Variants in ATE1 observed in about 807,000 individuals in gnomAD.
ATE1 encodes arginyltransferase 1.
ATE1 carries 36 observed loss-of-function variants against 70.5 expected under a neutral mutation model. The observed-to-expected ratio is 0.51, with a 90% CI of 0.39 to 0.67. The LOEUF is 0.67. ATE1 is among the 30% of genes least tolerant of loss of function. The pLI, the probability that ATE1 is intolerant of heterozygous loss-of-function variation, is 0.00. For missense variants in ATE1, 593 were observed against 629.5 expected (o/e 0.94, Z 0.62); for synonymous variants, 232 against 219.3 (o/e 1.06, Z -0.51).
intron 11 of ATE1, among the ~76,000 whole-genome samples, chr10:121,746,956 CAGTT>C (rs988985771): frequency 2.0e-4 from 30 of 152,166 alleles, no homozygotes; most frequent in Admixed American, 2.0e-3. Context: ...TAGAGAATGT[CAGTT>C]AGGGCATTCC....
At chr10:121,766,301 G>A (rs1477184306) in intron 11 of ATE1, among the ~76,000 whole-genome samples, 2 of 152,078 alleles carry the variant, frequency 1.3e-5, no homozygotes, top group East Asian at 1.9e-4. Flanking sequence ...AAGGGTGATC[G>A]TTTATGCATT....
intron 10 of ATE1, among the ~76,000 whole-genome samples, chr10:121,794,696 T>C (rs1383659172): frequency 1.6e-5 from 2 of 123,876 alleles, no homozygotes; most frequent in Non-Finnish European, 3.4e-5. Context: ...ATATGTATCA[T>C]CTCAAAAAAC....
intron 10 of ATE1, among the ~76,000 whole-genome samples, chr10:121,835,089 G>A (rs965877315): frequency 3.3e-5 from 5 of 152,112 alleles, no homozygotes; most frequent in African/African-American, 9.7e-5. Flanking sequence ...TAGGCAAAAC[G>A]GAAATATGCT....
intron 11 of ATE1, among the ~76,000 whole-genome samples, chr10:121,775,429 C>T (rs1257879890): frequency 6.6e-6 from 1 of 151,846 alleles, no homozygotes; most frequent in Admixed American, 6.6e-5. Context: ...ACATGTATAA[C>T]TATGTAACCA....
intron 7 of ATE1, among the ~76,000 whole-genome samples, chr10:121,880,016 A>G (rs1485887775): frequency 6.6e-6 from 1 of 152,260 alleles, no homozygotes; most frequent in Non-Finnish European, 1.5e-5. Context: ...AACATAAATT[A>G]GGGATAAATA....
chr10:121,842,360 CTGAG>C (rs1948661966), intron 8 of ATE1, among the ~76,000 whole-genome samples: 1 of 152,122 alleles, frequency 6.6e-6, no homozygotes, highest in South Asian at 2.1e-4. Context: ...TTCCTGGAGA[CTGAG>C]TGAATGTTAG....
intron 7 of ATE1, among the ~76,000 whole-genome samples, chr10:121,897,682 C>T (rs771659704): frequency 2.7e-4 from 41 of 152,146 alleles, no homozygotes; most frequent in Middle Eastern, 3.4e-3. Flanking sequence ...AAAAATTAGA[C>T]GGCTGTGGTG....
intron 7 of ATE1, among the ~76,000 whole-genome samples, chr10:121,877,963 G>A (rs139093751): frequency 4.6e-5 from 7 of 152,264 alleles, no homozygotes; most frequent in Non-Finnish European, 7.4e-5. Flanking sequence ...TTCGTAACAG[G>A]CAAAAGCTGT....
chr10:121,796,991 T>C (rs1946683142), intron 10 of ATE1, among the ~76,000 whole-genome samples: 1 of 152,224 alleles, frequency 6.6e-6, no homozygotes, highest in African/African-American at 2.4e-5. Context: ...TGTAACAGAA[T>C]TCAGCCTAAA....
chr10:121,848,606 G>A (rs1381348935), intron 8 of ATE1, among the ~76,000 whole-genome samples: 1 of 89,010 alleles, frequency 1.1e-5, no homozygotes, highest in East Asian at 3.7e-4. Flanking sequence ...CAACAAGAGT[G>A]AAACTCAAAA....
chr10:121,928,404 G>A, upstream of ATE1: 1 of 1,529,946 alleles, frequency 6.5e-7, no homozygotes, highest in Non-Finnish European at 8.8e-7. Flanking sequence ...CCGGCCCTGA[G>A]GCCCTTGTAT....
Position 121,811,348 on chromosome 10 carries a change from T to C in ATE1, c.1258-21059A>G, listed in dbSNP as rs141344787. On this transcript the variant is annotated intron_variant, in intron 10 of 11. Coordinates refer to ENST00000224652, the MANE Select transcript of ATE1 (RefSeq NM_001001976.3). ...AGCAAATGGGGTAAAATACTACCAA[T>C]AGGTAAATCTGACAAAAGAGTACAC... Among the ~76,000 whole-genome samples, 23 of 152,262 alleles carry C rather than the reference T, an allele frequency of 1.5e-4. No homozygotes were observed. In the East Asian group the frequency reaches 4.4e-3, roughly 29 times the overall value.
At chr10:121,878,361 G>C (rs902727121) in intron 7 of ATE1, among the ~76,000 whole-genome samples, 1 of 152,244 alleles carries the variant, frequency 6.6e-6, no homozygotes, top group African/African-American at 2.4e-5. Context: ...GGGAGGCTGA[G>C]GCGGGTAGAC....
At chr10:121,850,370 G>A (rs982638498) in intron 8 of ATE1, among the ~76,000 whole-genome samples, 1 of 152,148 alleles carries the variant, frequency 6.6e-6, no homozygotes, top group African/African-American at 2.4e-5. Flanking sequence ...AAAGAGCTAT[G>A]TCTTACAACA....
At chr10:121,891,268 C>T (rs190454625) in intron 7 of ATE1, among the ~76,000 whole-genome samples, 4 of 152,034 alleles carry the variant, frequency 2.6e-5, no homozygotes, top group Admixed American at 6.6e-5. Flanking sequence ...ATATAGCCCT[C>T]GAAAAGACTG....
At chr10:121,745,446 G>A (rs1169034735) in intron 11 of ATE1, among the ~76,000 whole-genome samples, 5 of 152,228 alleles carry the variant, frequency 3.3e-5, no homozygotes, top group Non-Finnish European at 5.9e-5. Context: ...GCGGGGTGCA[G>A]TGGCTCACGC....
Position 121,900,009 on chromosome 10 carries a change from A to T in ATE1, c.814-15T>A, listed in dbSNP as rs1028593693. 5 of 1,610,682 alleles carry T rather than the reference A, an allele frequency of 3.1e-6. No homozygotes were observed. The highest frequency in any genetic ancestry group is 1.7e-4 in the Middle Eastern group (1 of 6,036). ...ACCACCCTCACCTTCAGAAGCAGTT[A>T]AAAAAACAAGTTTACTAATTCATTC... On this transcript the variant is annotated splice_polypyrimidine_tract_variant and intron_variant, in intron 6 of 11. Coordinates refer to ENST00000224652, the MANE Select transcript of ATE1 (RefSeq NM_001001976.3).
In ATE1 at chr10:121,743,594, A is replaced by G. The variant is rs1222834459; in HGVS notation, c.*86T>C. 2.1e-6 allele frequency: 3 copies of G among 1,417,854 alleles called. No homozygotes were observed. Among genetic ancestry groups the G allele is most frequent in the Admixed American group, 5.8e-5 (2 of 34,408 alleles). The allele number at this position is 1,417,854 out of a possible 1,614,324, so 87.8% of individuals were successfully genotyped here. On this transcript the variant is annotated 3_prime_UTR_variant, in exon 12 of 12. Transcript: ENST00000224652. ...AAAAATGTCTAATTTGTGGGTGGTG[A>G]CAGTTATTTCCCCACAGGTACTGAA...
chr10:121,848,288 A>ATGCG (rs66916746), intron 8 of ATE1, among the ~76,000 whole-genome samples: 8 of 85,310 alleles, frequency 9.4e-5, no homozygotes, highest in Admixed American at 6.0e-4. Flanking sequence ...ATGTGCGTTC[A>ATGCG]TTCATTCATT....
Sources: gnomAD v4.1 joint callset for allele counts (sites outside exome capture counted in the v4.1 genomes callset) on GRCh38, gnomAD v4.1.1 for gene constraint, MANE v1.5 for transcripts, NCBI Gene and HGNC (gene_info 2026-07-23, HGNC 2026-07-21) for gene names.